Variants in SUGT1 observed in about 807,000 individuals in gnomAD.
SUGT1 encodes SGT1 assembly cochaperone of MIS12 kinetochore complex, also known as protein SGT1 homolog.
Under a neutral mutation model 56.1 loss-of-function variants are expected in SUGT1, and 15 were observed. The observed-to-expected ratio is 0.27, with a 90% CI of 0.18 to 0.41. SUGT1 has a LOEUF of 0.41. Among genes scored for constraint, SUGT1 ranks in the 10% least tolerant of loss-of-function variants. SUGT1 has a pLI of 1.00. For missense variants in SUGT1, 347 were observed against 382.2 expected (o/e 0.91, Z 0.77); for synonymous variants, 123 against 128.6 (o/e 0.96, Z 0.30).
chr13:52,670,094 T>G (rs1275739097), intron 10 of SUGT1, among the ~76,000 whole-genome samples: 1 of 152,226 alleles, frequency 6.6e-6, no homozygotes, highest in Non-Finnish European at 1.5e-5. Flanking sequence ...TCTTTGCTTT[T>G]GGGAATTCTC....
intron 10 of SUGT1, among the ~76,000 whole-genome samples, chr13:52,670,770 G>T (rs929880807): frequency 6.6e-6 from 1 of 152,088 alleles, no homozygotes; most frequent in African/African-American, 2.4e-5. Context: ...ATCATGTCGC[G>T]CCACTGCACT....
At chr13:52,653,211 CTTG>C in intron 2 of SUGT1, 108 bp downstream of exon 2, 4 of 1,298,040 alleles carry the variant, frequency 3.1e-6, no homozygotes, top group Non-Finnish European at 3.3e-6. Flanking sequence ...GACCCAGGCT[CTTG>C]TTGATGCTGC....
chr13:52,658,390 T>C lies in SUGT1; in HGVS notation c.188-9T>C, dbSNP rs190684396. ...ATAACTGACTAAAAACCCGTCTTTT[T>C]CTACACAGTTGCTGTTGCTGATGCA... On this transcript the variant is annotated splice_polypyrimidine_tract_variant and intron_variant, in intron 3 of 12. Coordinates refer to ENST00000310528, the MANE Select transcript of SUGT1 (RefSeq NM_006704.5). The C allele has an allele frequency of 3.8e-5, 62 of 1,611,624 alleles. No individual in the cohort carries two copies. The African/African-American group carries it at 7.5e-4, about 19-fold the overall frequency.
chr13:52,662,452 A>T, intron 5 of SUGT1, among the ~76,000 whole-genome samples, 197 bp from the exon 6 acceptor site: 1 of 152,372 alleles, frequency 6.6e-6, no homozygotes, highest in African/African-American at 2.4e-5. Flanking sequence ...TTTCATGATT[A>T]ACAACTAAAT....
chr13:52,681,252 CAAAAA>C (rs530162235), intron 12 of SUGT1, among the ~76,000 whole-genome samples: 1 of 97,882 alleles, frequency 1.0e-5, no homozygotes, highest in Non-Finnish European at 2.2e-5. Flanking sequence ...CCTATCTCTA[CAAAAA>C]AAAAAAAAAA....
Position 52,652,876 on chromosome 13 carries a change from C to T in SUGT1, c.-45C>T, listed in dbSNP as rs369713040. The T allele has an allele frequency of 6.2e-7, 1 of 1,602,414 alleles. No individual in the cohort carries two copies. Among genetic ancestry groups the T allele is most frequent in the South Asian group, 1.1e-5 (1 of 90,242 alleles). On this transcript the variant is annotated 5_prime_UTR_variant, in exon 1 of 13. Transcript: ENST00000310528. Reference sequence around the variant, plus strand: ...CCTTGGGCGGTGGTGGAGGTGGTAACCGTGATAGTAGCAGCTCCGGCGGCA... The same window carrying T: ...CCTTGGGCGGTGGTGGAGGTGGTAATCGTGATAGTAGCAGCTCCGGCGGCA...
chr13:52,659,921 C>T (rs1469485223), intron 5 of SUGT1, among the ~76,000 whole-genome samples: 13 of 145,552 alleles, frequency 8.9e-5, no homozygotes, highest in South Asian at 2.2e-4. Context: ...CTCTGCCTCC[C>T]GGGTTCACGC....
At chr13:52,654,967 C>T (rs1962088566) in intron 2 of SUGT1, among the ~76,000 whole-genome samples, 1 of 152,164 alleles carries the variant, frequency 6.6e-6, no homozygotes, top group African/African-American at 2.4e-5. Context: ...GAAGAATTGC[C>T]TAGGATAGTC....
intron 12 of SUGT1, among the ~76,000 whole-genome samples, chr13:52,682,802 A>G (rs1963428269): frequency 6.6e-6 from 1 of 152,056 alleles, no homozygotes; most frequent in Non-Finnish European, 1.5e-5. Context: ...CATTCCTCCT[A>G]CTTTATCCTT....
chr13:52,657,419 T>C, intron 2 of SUGT1, 113 bp from the exon 3 acceptor site: 1 of 903,496 alleles, frequency 1.1e-6, no homozygotes, highest in South Asian at 1.5e-5. Context: ...CCGTGTTATC[T>C]TTCCTCCAAA....
At chr13:52,680,543 G>A (rs1037256401) in intron 12 of SUGT1, among the ~76,000 whole-genome samples, 2 of 152,104 alleles carry the variant, frequency 1.3e-5, no homozygotes, top group African/African-American at 4.8e-5. Context: ...GAAGGTGCAC[G>A]TTATTCATTG....
intron 8 of SUGT1, 54 bp from the exon 9 acceptor site, chr13:52,665,583 A>G: frequency 3.6e-6 from 5 of 1,374,486 alleles, no homozygotes; most frequent in African/African-American, 1.5e-5. Flanking sequence ...TGTTTTGACA[A>G]TAGCTTTAAA....
chr13:52,654,123 T>G (rs1435567791), intron 2 of SUGT1, among the ~76,000 whole-genome samples: 1 of 152,172 alleles, frequency 6.6e-6, no homozygotes, highest in African/African-American at 2.4e-5. Flanking sequence ...CCCATTTGAT[T>G]AAGAGAGGTT....
Position 52,698,393 on chromosome 13 carries a change from T to A in SUGT1, c.*10558T>A, listed in dbSNP as rs1476128776. ...TTTTTCTTCATACAGGTTTTTAATG[T>A]AACTCACTCAGATCGTTGGTGATAG... On this transcript the variant is annotated 3_prime_UTR_variant, in exon 13 of 13. Transcript: ENST00000310528. 2 of 151,676 alleles carry A rather than the reference T, an allele frequency of 1.3e-5. No individual in the cohort carries two copies. The highest frequency in any genetic ancestry group is 4.8e-5 in the African/African-American group (2 of 41,362). The allele number at this position is 151,676 out of a possible 1,614,324, so 9.4% of individuals were successfully genotyped here.
At chr13:52,653,137 C>A (rs751576344) in intron 2 of SUGT1, 34 bp downstream of exon 2, 2 of 1,613,536 alleles carry the variant, frequency 1.2e-6, no homozygotes, top group Non-Finnish European at 1.7e-6. Flanking sequence ...CTCCACTCTT[C>A]TTAGGGGAGC....
At chr13:52,683,923 C>G (rs2138173838) in intron 12 of SUGT1, among the ~76,000 whole-genome samples, 1 of 152,192 alleles carries the variant, frequency 6.6e-6, no homozygotes, top group South Asian at 2.1e-4. Flanking sequence ...TTCTATCGCC[C>G]AGGCTAGAGT....
At position 52,694,780 on chromosome 13, in the gene SUGT1, C is replaced by G. The variant is rs186702628; in HGVS notation, c.*6945C>G. 1 of 152,428 alleles carries G rather than the reference C, an allele frequency of 6.6e-6. No homozygotes were observed. The highest frequency in any genetic ancestry group is 2.4e-5 in the African/African-American group (1 of 41,590). 9.4% of individuals were successfully genotyped at this position (152,428 alleles called of 1,614,324 possible). On this transcript the variant is annotated 3_prime_UTR_variant, in exon 13 of 13. Transcript: ENST00000310528. ...TTTTGGCTCACTGCAAGCTCCGCCTCCCGGTTCACGCCATTCTCATGCCTC... is the reference window on the plus strand; with the variant it reads ...TTTTGGCTCACTGCAAGCTCCGCCTGCCGGTTCACGCCATTCTCATGCCTC...
At chr13:52,675,416 A>AT (rs1566190541) in intron 10 of SUGT1, among the ~76,000 whole-genome samples, 1 of 152,056 alleles carries the variant, frequency 6.6e-6, no homozygotes, top group East Asian at 1.9e-4. Context: ...TCTACGAAAA[A>AT]TTTTAAAAAC....
chr13:52,677,298 A>G (rs1963186378), intron 11 of SUGT1, among the ~76,000 whole-genome samples: 1 of 152,192 alleles, frequency 6.6e-6, no homozygotes. Context: ...CCCCATTGAT[A>G]GTGTCTTAAC....
Sources: allele counts gnomAD v4.1 joint callset (sites outside exome capture counted in the v4.1 genomes callset), GRCh38; gene constraint gnomAD v4.1.1; transcripts MANE v1.5; gene names NCBI Gene and HGNC (gene_info 2026-07-23, HGNC 2026-07-21).